KDM4C: variants seen among roughly 807,000 people sequenced by gnomAD.
KDM4C encodes the protein lysine demethylase 4C, also known as lysine-specific demethylase 4C.
In KDM4C, 81 loss-of-function variants were observed where a neutral mutation model predicts 129.3. The ratio of observed to expected loss-of-function variants is 0.63; its 90% CI spans 0.52 to 0.75. The LOEUF (loss-of-function observed/expected upper bound fraction) is 0.75. Ranked by LOEUF, KDM4C falls within the 30% of genes least tolerant of loss-of-function variation. The pLI is 0.00. For synonymous variants in KDM4C, 573 were observed against 456.1 expected (o/e 1.26, Z -3.26); for missense variants, 1,457 against 1,304.0 (o/e 1.12, Z -1.81).
At chr9:6,957,790 C>T (rs1202031807) in intron 8 of KDM4C, among the ~76,000 whole-genome samples, 2 of 152,158 alleles carry the variant, frequency 1.3e-5, no homozygotes, top group African/African-American at 4.8e-5. Flanking sequence ...AGAGCTGGGT[C>T]TGCATACTGG....
At chr9:7,002,215 A>G (rs1013913532) in intron 12 of KDM4C, among the ~76,000 whole-genome samples, 3 of 152,304 alleles carry the variant, frequency 2.0e-5, no homozygotes, top group African/African-American at 7.2e-5. Context: ...TTTGAACTCC[A>G]TAAAGGGAAA....
intron 18 of KDM4C, among the ~76,000 whole-genome samples, chr9:7,115,364 A>C (rs1375015165): frequency 6.6e-6 from 1 of 152,178 alleles, no homozygotes; most frequent in South Asian, 2.1e-4. Context: ...GAATCGTCTG[A>C]TAGCTTGTTA....
intron 17 of KDM4C, among the ~76,000 whole-genome samples, chr9:7,051,454 A>C (rs981288624): frequency 6.6e-6 from 1 of 152,116 alleles, no homozygotes; most frequent in Non-Finnish European, 1.5e-5. Flanking sequence ...AATGAAACGC[A>C]CCTTTCCAGG....
intron 4 of KDM4C, among the ~76,000 whole-genome samples, chr9:6,841,520 C>T (rs1018916623): frequency 6.6e-6 from 1 of 152,138 alleles, no homozygotes; most frequent in Non-Finnish European, 1.5e-5. Context: ...TAGTAATAAT[C>T]GTGTGTATCA....
chr9:7,065,315 A>G (rs1832274221), intron 17 of KDM4C, among the ~76,000 whole-genome samples: 1 of 152,234 alleles, frequency 6.6e-6, no homozygotes, highest in East Asian at 1.9e-4. Flanking sequence ...CTTTAATAAT[A>G]AAATGTTTTA....
chr9:6,789,978 A>T (rs1246568730), intron 1 of KDM4C, among the ~76,000 whole-genome samples: 1 of 151,604 alleles, frequency 6.6e-6, no homozygotes, highest in East Asian at 2.0e-4. Context: ...ATAGATGCTC[A>T]TTTAAACTTT....
At chr9:7,075,435 G>T (rs1202793034) in intron 17 of KDM4C, among the ~76,000 whole-genome samples, 1 of 152,136 alleles carries the variant, frequency 6.6e-6, no homozygotes, top group African/African-American at 2.4e-5. Flanking sequence ...CTCATGAATG[G>T]ATGAATGCCC....
chr9:7,042,434 A>C (rs976890506), intron 15 of KDM4C, among the ~76,000 whole-genome samples: 1 of 152,110 alleles, frequency 6.6e-6, no homozygotes, highest in African/African-American at 2.4e-5. Context: ...GGAAAACTTA[A>C]TGATGTTATA....
chr9:6,934,852 G>A (rs1323863295), intron 8 of KDM4C, among the ~76,000 whole-genome samples: 1 of 151,570 alleles, frequency 6.6e-6, no homozygotes, highest in East Asian at 1.9e-4. Context: ...ATGAGGCAAA[G>A]TTGTTAATAT....
chr9:7,165,821 C>T (rs1165471536), intron 20 of KDM4C, among the ~76,000 whole-genome samples: 1 of 152,154 alleles, frequency 6.6e-6, no homozygotes, highest in Non-Finnish European at 1.5e-5. Context: ...TAGATGTGGC[C>T]AGTTAATGTC....
At chr9:6,854,246 C>T (rs1456534857) in intron 5 of KDM4C, among the ~76,000 whole-genome samples, 5 of 151,954 alleles carry the variant, frequency 3.3e-5, no homozygotes, top group South Asian at 2.1e-4. Context: ...AAGAAACTTT[C>T]GACTGGGTGC....
chr9:6,971,032 C>T (rs1241599890), intron 8 of KDM4C, among the ~76,000 whole-genome samples: 1 of 152,114 alleles, frequency 6.6e-6, no homozygotes, highest in East Asian at 1.9e-4. Context: ...CTGGTGATGA[C>T]AGCGCATTCC....
intron 13 of KDM4C, among the ~76,000 whole-genome samples, chr9:7,012,338 C>G (rs1455343136): frequency 6.6e-6 from 1 of 152,150 alleles, no homozygotes; most frequent in Non-Finnish European, 1.5e-5. Context: ...TTTGGTCTCC[C>G]AAATCTTTTT....
intron 4 of KDM4C, among the ~76,000 whole-genome samples, chr9:6,826,170 G>C (rs1299747945): frequency 1.3e-5 from 2 of 151,980 alleles, no homozygotes; most frequent in African/African-American, 4.8e-5. Flanking sequence ...TCTTGAGCTG[G>C]GGAAAAGTTT....
Position 6,771,080 on chromosome 9 carries a change from C to CTTTTTTTTT in KDM4C, c.-18+12898_-18+12906dup, listed in dbSNP as rs35945405. Among the ~76,000 whole-genome samples the CTTTTTTTTT allele has an allele frequency of 3.5e-4, 20 of 56,970 alleles. 2 individuals are homozygous for CTTTTTTTTT. The highest frequency in any genetic ancestry group is 9.1e-4 in the African/African-American group (12 of 13,242). The allele number at this position is 56,970 out of a possible 152,430, so 37.4% of individuals were successfully genotyped here. The stretch of plus-strand genomic sequence containing the variant: ...TGAGCCACTGCGCCCGACTGTGAAT[C>CTTTTTTTTT]TTTTTTTTTTTTTTTTTTTTTTTTT... On this transcript the variant is annotated intron_variant, in intron 1 of 21. Coordinates refer to ENST00000381309, the MANE Select transcript of KDM4C (RefSeq NM_015061.6).
chr9:6,734,910 G>C (rs185387747), intron 1 of KDM4C: 4 of 572,854 alleles, frequency 7.0e-6, no homozygotes, highest in African/African-American at 5.6e-5. Context: ...TCCCCAGTCT[G>C]TGCTAAGTCT....
At chr9:6,895,583 G>T (rs978410973) in intron 8 of KDM4C, among the ~76,000 whole-genome samples, 1 of 152,086 alleles carries the variant, frequency 6.6e-6, no homozygotes, top group African/African-American at 2.4e-5. Flanking sequence ...ACTACAGGGG[G>T]TACCAATTTA....
At chr9:6,867,261 A>G (rs1842186254) in intron 5 of KDM4C, among the ~76,000 whole-genome samples, 1 of 151,992 alleles carries the variant, frequency 6.6e-6, no homozygotes. Context: ...TGATCCGCCC[A>G]CCTCGGCCTC....
chr9:7,082,235 T>C (rs904724892), intron 17 of KDM4C, among the ~76,000 whole-genome samples: 1 of 152,178 alleles, frequency 6.6e-6, no homozygotes, highest in African/African-American at 2.4e-5. Flanking sequence ...AGAAGGTTTC[T>C]TTCCACCTTA....
Sources: allele counts gnomAD v4.1 joint callset (sites outside exome capture counted in the v4.1 genomes callset), GRCh38; gene constraint gnomAD v4.1.1; transcripts MANE v1.5; gene names NCBI Gene and HGNC (gene_info 2026-07-23, HGNC 2026-07-21).